The following TDRD1 variants were observed in gnomAD, a reference collection of about 807,000 sequenced individuals.
TDRD1 encodes tudor domain-containing protein 1.
TDRD1 carries 37 observed loss-of-function variants against 140.6 expected under a neutral mutation model. The observed-to-expected ratio is 0.26, with a 90% CI of 0.20 to 0.35. TDRD1 has a LOEUF of 0.35. TDRD1 is among the 10% of genes least tolerant of loss of function. TDRD1 has a pLI of 1.00. For missense variants in TDRD1, 1,243 were observed against 1,393.0 expected, an observed-to-expected ratio of 0.89 and a Z score of 1.71; for synonymous variants, 506 against 475.7, an observed-to-expected ratio of 1.06 and a Z score of -0.83.
At chr10:114,194,341 G>A (rs1363155881) in intron 3 of TDRD1, among the ~76,000 whole-genome samples, 1 of 152,028 alleles carries the variant, frequency 6.6e-6, no homozygotes, top group Non-Finnish European at 1.5e-5. Context: ...TTCTTTTGGG[G>A]GAGTTTTAAA....
intron 11 of TDRD1, among the ~76,000 whole-genome samples, chr10:114,208,837 G>A (rs539879040): frequency 6.6e-6 from 1 of 150,436 alleles, no homozygotes; most frequent in African/African-American, 2.5e-5. Context: ...GCAGTGCTGT[G>A]ATCTCAGCTC....
In TDRD1 at chr10:114,203,179, ATTTG is replaced by A; in HGVS notation, c.801+7_801+10del. ...TCAAGAAAACCATGGAAATAAAGGTATTTGTTTTTCTTCAATCTCCATAGACACA... is the reference window on the plus strand; with the variant it reads ...TCAAGAAAACCATGGAAATAAAGGTATTTTTCTTCAATCTCCATAGACACA... On this transcript the variant is annotated splice_donor_5th_base_variant and intron_variant, in intron 7 of 25. Transcript: ENST00000251864. 1 of 1,603,478 alleles carries A rather than the reference ATTTG, an allele frequency of 6.2e-7. No individual in the cohort carries two copies. The highest frequency in any genetic ancestry group is 1.1e-5 in the South Asian group (1 of 90,802).
At chr10:114,212,777 T>C (rs368875229) in intron 14 of TDRD1, among the ~76,000 whole-genome samples, 1 of 152,224 alleles carries the variant, frequency 6.6e-6, no homozygotes. Flanking sequence ...TTCTTAATTT[T>C]ATTGGGCTAT....
chr10:114,181,657 C>T (rs2033074882), intron 1 of TDRD1, among the ~76,000 whole-genome samples: 1 of 151,988 alleles, frequency 6.6e-6, no homozygotes. Flanking sequence ...AGTTTGAGAC[C>T]AGTCTGGTGA....
At position 114,215,297 on chromosome 10, in the gene TDRD1, C is replaced by A. The variant is rs569311338; in HGVS notation, c.2212+1183C>A. Among the ~76,000 whole-genome samples, 13 of 152,224 alleles carry A rather than the reference C, an allele frequency of 8.5e-5. No individual in the cohort carries two copies. In the South Asian group the frequency reaches 1.0e-3, roughly 12 times the overall value. ...TGTTCTGTGAATTGTATTGCAGTTT[C>A]TTTCTACCATTGGACACTTGGCCTG... On this transcript the variant is annotated intron_variant, in intron 16 of 25. Coordinates refer to ENST00000251864, the Ensembl canonical transcript of TDRD1.
intron 3 of TDRD1, among the ~76,000 whole-genome samples, chr10:114,198,232 G>A (rs2034500220): frequency 6.6e-6 from 1 of 152,166 alleles, no homozygotes; most frequent in Non-Finnish European, 1.5e-5. Context: ...CTGAAGGAGA[G>A]GGTATTAGGA....
Position 114,214,823 on chromosome 10 carries a change from T to C in TDRD1, c.2212+709T>C, listed in dbSNP as rs563932104. On this transcript the variant is annotated intron_variant, in intron 16 of 25. Coordinates refer to ENST00000251864, the Ensembl canonical transcript of TDRD1. ...CACAGTGTAGGCTCACTGCAACCTC[T>C]GCCTCCCAGGTTCAAGCGATTCTCC... Among the ~76,000 whole-genome samples the C allele has an allele frequency of 3.3e-5, 5 of 151,984 alleles. No individual in the cohort carries two copies. The South Asian group carries it at 1.0e-3, about 32-fold the overall frequency.
chr10:114,204,141 T>A, exon 9 of TDRD1: 1 of 1,602,758 alleles, frequency 6.2e-7, no homozygotes, highest in Non-Finnish European at 8.5e-7. Flanking sequence ...TATATATTGA[T>A]TATGGAAATG....
intron 1 of TDRD1, among the ~76,000 whole-genome samples, chr10:114,180,468 TTTTG>T (rs966644837): frequency 3.9e-5 from 6 of 152,144 alleles, no homozygotes; most frequent in South Asian, 2.1e-4. Context: ...ACCGGAGTGT[TTTTG>T]TTTGTTCTTT....
At chr10:114,220,449 A>T in intron 18 of TDRD1, 119 bp from the exon 19 acceptor site, 1 of 663,656 alleles carries the variant, frequency 1.5e-6, no homozygotes. Context: ...TTGAATATTG[A>T]AGATACTGAG....
chr10:114,218,671 G>A (rs779677659), intron 18 of TDRD1, 87 bp downstream of exon 18: 12 of 963,958 alleles, frequency 1.2e-5, no homozygotes, highest in South Asian at 4.7e-5. Flanking sequence ...TTAACATTTC[G>A]TGTGAGTTAG....
intron 10 of TDRD1, 99 bp downstream of exon 10, chr10:114,204,992 C>G: frequency 1.9e-6 from 2 of 1,030,942 alleles, no homozygotes; most frequent in Non-Finnish European, 2.7e-6. Flanking sequence ...AGGTAAACTG[C>G]CCTCTGGAGT....
chr10:114,215,610 A>C (rs1009423256), intron 16 of TDRD1, among the ~76,000 whole-genome samples: 4 of 152,166 alleles, frequency 2.6e-5, no homozygotes, highest in Admixed American at 1.3e-4. Flanking sequence ...TTGTCAAATA[A>C]GGACATTAAA....
intron 1 of TDRD1, among the ~76,000 whole-genome samples, chr10:114,180,825 G>T (rs1441843934): frequency 1.3e-5 from 2 of 152,178 alleles, no homozygotes; most frequent in Non-Finnish European, 2.9e-5. Flanking sequence ...TTGCCAGGAA[G>T]ACAAAAGCAA....
At chr10:114,175,812 A>G (rs1047649761), upstream of TDRD1, among the ~76,000 whole-genome samples, 1 of 152,222 alleles carries the variant, frequency 6.6e-6, no homozygotes, top group Non-Finnish European at 1.5e-5. Flanking sequence ...GAGACGCACT[A>G]TGTAAAAAAA....
chr10:114,185,023 C>T (rs2033403288), intron 1 of TDRD1, among the ~76,000 whole-genome samples: 1 of 152,184 alleles, frequency 6.6e-6, no homozygotes, highest in African/African-American at 2.4e-5. Context: ...TATTGTTACT[C>T]ATACAGTCTT....
intron 3 of TDRD1, among the ~76,000 whole-genome samples, chr10:114,196,656 A>T (rs571780368): frequency 6.6e-6 from 1 of 151,914 alleles, no homozygotes; most frequent in African/African-American, 2.4e-5. Flanking sequence ...AAGGAATTTT[A>T]AAAATTTCCC....
At chr10:114,199,354 C>T (rs780504133) in intron 4 of TDRD1, 37 bp downstream of exon 4, 8 of 1,560,218 alleles carry the variant, frequency 5.1e-6, no homozygotes, top group Non-Finnish European at 6.9e-6. Context: ...AATTCTTCTT[C>T]CACATATTTG....
intron 2 of TDRD1, among the ~76,000 whole-genome samples, chr10:114,188,591 G>A (rs1174230218): frequency 6.6e-6 from 1 of 152,174 alleles, no homozygotes; most frequent in Non-Finnish European, 1.5e-5. Flanking sequence ...GGGTGAGGTG[G>A]CTCACGCCTG....
Sources: allele counts gnomAD v4.1 joint callset (sites outside exome capture counted in the v4.1 genomes callset), GRCh38; gene constraint gnomAD v4.1.1; transcripts MANE v1.5; gene names NCBI Gene and HGNC (gene_info 2026-07-23, HGNC 2026-07-21).